DYNC1I1: variants seen among roughly 807,000 people sequenced by gnomAD.
The protein encoded by DYNC1I1 is dynein cytoplasmic 1 intermediate chain 1.
In DYNC1I1, 43 loss-of-function variants were observed where a neutral mutation model predicts 86.6. The ratio of observed to expected loss-of-function variants is 0.50; its 90% CI spans 0.39 to 0.64. DYNC1I1 has a LOEUF of 0.64. DYNC1I1 is among the 30% of genes least tolerant of loss of function. The pLI is 0.00. For missense variants in DYNC1I1, 604 were observed against 788.8 expected, an observed-to-expected ratio of 0.77 and a Z score of 2.81; for synonymous variants, 262 against 283.7, an observed-to-expected ratio of 0.92 and a Z score of 0.77.
chr7:96,041,893 T>C (rs924991002), intron 14 of DYNC1I1, among the ~76,000 whole-genome samples: 1 of 152,068 alleles, frequency 6.6e-6, no homozygotes. Flanking sequence ...ATGTAAATAT[T>C]TTACATAGTT....
intron 6 of DYNC1I1, among the ~76,000 whole-genome samples, chr7:95,892,357 G>A (rs573444644): frequency 1.3e-5 from 2 of 150,462 alleles, no homozygotes; most frequent in African/African-American, 4.9e-5. Flanking sequence ...TCGCCCAGGC[G>A]GGAGTGCAGT....
At chr7:95,825,264 A>G (rs1012324018) in intron 4 of DYNC1I1, among the ~76,000 whole-genome samples, 1 of 152,218 alleles carries the variant, frequency 6.6e-6, no homozygotes, top group Non-Finnish European at 1.5e-5. Flanking sequence ...TAGTGAGTTC[A>G]GGTGATCTGT....
intron 6 of DYNC1I1, among the ~76,000 whole-genome samples, chr7:95,913,886 A>C (rs1300185145): frequency 6.6e-6 from 1 of 152,242 alleles, no homozygotes; most frequent in African/African-American, 2.4e-5. Context: ...GGATAAATGA[A>C]GGAGGTAGCC....
intron 6 of DYNC1I1, among the ~76,000 whole-genome samples, chr7:95,962,856 G>A (rs1792908408): frequency 6.6e-6 from 1 of 152,068 alleles, no homozygotes; most frequent in African/African-American, 2.4e-5. Flanking sequence ...CCTGGGTCAT[G>A]GCACTACTAA....
chr7:95,963,889 A>T (rs1021413926), intron 6 of DYNC1I1, among the ~76,000 whole-genome samples: 33 of 152,320 alleles, frequency 2.2e-4, no homozygotes, highest in Admixed American at 1.2e-3. Context: ...AGTTGTACTT[A>T]GTCCAAGTAA....
chr7:95,813,093 CTTTT>C, intron 3 of DYNC1I1, 150 bp from the exon 4 acceptor site: 7 of 1,113,732 alleles, frequency 6.3e-6, no homozygotes, highest in Non-Finnish European at 7.2e-6. Flanking sequence ...CTTTTCTTTC[CTTTT>C]TTTTTTTTTT....
chr7:96,022,596 C>T (rs1280131016), intron 10 of DYNC1I1, among the ~76,000 whole-genome samples: 2 of 152,066 alleles, frequency 1.3e-5, no homozygotes, highest in Non-Finnish European at 2.9e-5. Flanking sequence ...GATATGTTGG[C>T]TCATACCTGT....
intron 2 of DYNC1I1, among the ~76,000 whole-genome samples, chr7:95,808,784 T>C (rs182895657): frequency 6.6e-6 from 1 of 152,328 alleles, no homozygotes; most frequent in Non-Finnish European, 1.5e-5. Context: ...AACAGAAATA[T>C]AACTTGCTGA....
At chr7:95,842,673 T>G (rs184810440) in intron 5 of DYNC1I1, among the ~76,000 whole-genome samples, 66 of 152,260 alleles carry the variant, frequency 4.3e-4, no homozygotes, top group Non-Finnish European at 7.2e-4. Flanking sequence ...AGGTTGGGCA[T>G]TACATTACCT....
intron 6 of DYNC1I1, among the ~76,000 whole-genome samples, chr7:95,946,886 A>G (rs933491035): frequency 4.5e-4 from 69 of 152,268 alleles, no homozygotes; most frequent in African/African-American, 1.6e-3. Flanking sequence ...GTGGAGTAAA[A>G]GAGACAGACA....
chr7:95,932,199 T>C (rs1161229903), intron 6 of DYNC1I1, among the ~76,000 whole-genome samples: 1 of 152,132 alleles, frequency 6.6e-6, no homozygotes, highest in African/African-American at 2.4e-5. Context: ...TATGGGTGAC[T>C]ATGTAGCTTA....
chr7:95,795,476 C>A (rs746124066), intron 1 of DYNC1I1, among the ~76,000 whole-genome samples: 1 of 152,040 alleles, frequency 6.6e-6, no homozygotes, highest in Non-Finnish European at 1.5e-5. Context: ...GCAAAGACAG[C>A]GACTCAACCT....
chr7:95,998,422 C>T (rs528557910), intron 10 of DYNC1I1, among the ~76,000 whole-genome samples: 1 of 152,308 alleles, frequency 6.6e-6, no homozygotes, highest in Admixed American at 6.5e-5. Flanking sequence ...ACCTTCTAAC[C>T]CTAAATGGAA....
intron 6 of DYNC1I1, among the ~76,000 whole-genome samples, chr7:95,944,252 CA>C (rs1406377700): frequency 2.6e-5 from 4 of 152,224 alleles, no homozygotes; most frequent in Non-Finnish European, 4.4e-5. Context: ...GATATTTATG[CA>C]GCCAAAAGAC....
intron 16 of DYNC1I1, among the ~76,000 whole-genome samples, chr7:96,088,847 A>G (rs1269160344): frequency 1.3e-5 from 2 of 152,180 alleles, no homozygotes; most frequent in Non-Finnish European, 2.9e-5. Flanking sequence ...GAAAGCTTAC[A>G]TGAATTTTTG....
chr7:95,939,893 C>T (rs1210544830), intron 6 of DYNC1I1, among the ~76,000 whole-genome samples: 15 of 152,080 alleles, frequency 9.9e-5, no homozygotes, highest in African/African-American at 3.1e-4. Flanking sequence ...TTCCTAGCCT[C>T]GATGGTCTTT....
intron 6 of DYNC1I1, among the ~76,000 whole-genome samples, chr7:95,878,385 TG>T (rs1356085939): frequency 1.3e-5 from 2 of 151,804 alleles, no homozygotes; most frequent in Admixed American, 1.3e-4. Context: ...AGAAATTTTT[TG>T]GAAAAAAAAG....
chr7:95,968,822 C>CTGTGTGTGTG (rs1491236339), intron 6 of DYNC1I1, among the ~76,000 whole-genome samples: 1 of 133,534 alleles, frequency 7.5e-6, no homozygotes, highest in East Asian at 2.2e-4. Flanking sequence ...GAATTTTTTG[C>CTGTGTGTGTG]TCTGTGTGTG....
chr7:95,832,826 T>A (rs36132775), intron 5 of DYNC1I1, among the ~76,000 whole-genome samples: 14,191 of 152,260 alleles, frequency 0.093, 706 homozygotes, highest in South Asian at 0.14. Context: ...GTTTGTTTTT[T>A]TCTTGTACAT....
Sources: gnomAD v4.1 joint callset for allele counts (sites outside exome capture counted in the v4.1 genomes callset) on GRCh38, gnomAD v4.1.1 for gene constraint, MANE v1.5 for transcripts, NCBI Gene and HGNC (gene_info 2026-07-23, HGNC 2026-07-21) for gene names.